Variants in IPCEF1 observed in about 807,000 individuals in gnomAD.
The protein encoded by IPCEF1 is interaction protein for cytohesin exchange factors 1, also known as interactor protein for cytohesin exchange factors 1.
A neutral mutation model predicts 50.9 loss-of-function variants in IPCEF1; 31 were observed. The ratio of observed to expected loss-of-function variants is 0.61; its 90% CI spans 0.46 to 0.82. IPCEF1 has a LOEUF of 0.82. Among genes scored for constraint, IPCEF1 ranks in the 40% least tolerant of loss-of-function variants. The pLI, the probability that IPCEF1 is intolerant of heterozygous loss-of-function variation, is 0.00. For missense variants in IPCEF1, 458 were observed against 514.0 expected, an observed-to-expected ratio of 0.89 and a Z score of 1.05; for synonymous variants, 181 against 192.0, an observed-to-expected ratio of 0.94 and a Z score of 0.47.
At chr6:154,341,819 T>C (rs1032855434) in intron 1 of IPCEF1, among the ~76,000 whole-genome samples, 6 of 152,240 alleles carry the variant, frequency 3.9e-5, no homozygotes, top group Non-Finnish European at 8.8e-5. Context: ...GAGTTGATTA[T>C]ATTAAACCTT....
intron 10 of IPCEF1, among the ~76,000 whole-genome samples, chr6:154,170,132 C>G (rs534636051): frequency 6.6e-6 from 1 of 152,286 alleles, no homozygotes; most frequent in African/African-American, 2.4e-5. Flanking sequence ...AATCTTCATC[C>G]TTTGATGTTG....
intron 2 of IPCEF1, among the ~76,000 whole-genome samples, chr6:154,276,047 G>A (rs1423999831): frequency 6.6e-6 from 1 of 152,076 alleles, no homozygotes. Context: ...AGCTGGCCAT[G>A]GTGGCAGGTG....
chr6:154,225,620 G>C (rs1178966175), intron 5 of IPCEF1, among the ~76,000 whole-genome samples: 1 of 152,130 alleles, frequency 6.6e-6, no homozygotes, highest in Non-Finnish European at 1.5e-5. Context: ...CTGCTCAATG[G>C]GTAAGGGGTT....
At chr6:154,276,281 AAG>A (rs1422704791) in intron 2 of IPCEF1, among the ~76,000 whole-genome samples, 6 of 8,812 alleles carry the variant, frequency 6.8e-4, no homozygotes, top group Middle Eastern at 0.1. Flanking sequence ...GAAAAAAGAA[AAG>A]AAAAAAAAAG....
chr6:154,325,917 G>C (rs1477028528), intron 1 of IPCEF1, among the ~76,000 whole-genome samples: 1 of 152,132 alleles, frequency 6.6e-6, no homozygotes, highest in East Asian at 1.9e-4. Context: ...TCCATGCATA[G>C]CCACATTATT....
chr6:154,283,813 T>C (rs1017896869), intron 2 of IPCEF1, among the ~76,000 whole-genome samples: 1 of 152,158 alleles, frequency 6.6e-6, no homozygotes, highest in African/African-American at 2.4e-5. Context: ...AAGTTCTGTA[T>C]CCAACCAAAC....
intron 9 of IPCEF1, among the ~76,000 whole-genome samples, chr6:154,208,559 A>G (rs1777696595): frequency 6.6e-6 from 1 of 152,232 alleles, no homozygotes; most frequent in South Asian, 2.1e-4. Context: ...AACATGAATC[A>G]CAGTCCACTT....
intron 10 of IPCEF1, among the ~76,000 whole-genome samples, chr6:154,178,623 C>T (rs1427655450): frequency 6.6e-6 from 1 of 152,078 alleles, no homozygotes; most frequent in African/African-American, 2.4e-5. Context: ...ATAAAGTGAA[C>T]CTGTTGGGGT....
chr6:154,320,787 G>A (rs561262736), intron 1 of IPCEF1, among the ~76,000 whole-genome samples: 3 of 152,194 alleles, frequency 2.0e-5, no homozygotes, highest in South Asian at 2.1e-4. Context: ...TGGGAGGATC[G>A]CTTGAGCCCA....
chr6:154,340,211 G>A (rs1156635007), intron 1 of IPCEF1, among the ~76,000 whole-genome samples: 1 of 151,818 alleles, frequency 6.6e-6, no homozygotes, highest in Non-Finnish European at 1.5e-5. Context: ...AGGTGGTCAG[G>A]GCACAGCTTG....
chr6:154,212,587 C>T (rs935622360), intron 9 of IPCEF1, among the ~76,000 whole-genome samples, 183 bp downstream of exon 9: 2 of 152,192 alleles, frequency 1.3e-5, no homozygotes, highest in Admixed American at 6.5e-5. Context: ...GTTTATCATA[C>T]CACTGGGTTG....
chr6:154,355,031 CACACACACACACA>C (rs1784192109), intron 1 of IPCEF1, among the ~76,000 whole-genome samples: 1 of 84,870 alleles, frequency 1.2e-5, no homozygotes, highest in Non-Finnish European at 3.0e-5. Flanking sequence ...CACACACACA[CACACACACACACA>C]CCATTTGCCA....
At chr6:154,180,428 C>T (rs1482192640) in intron 10 of IPCEF1, among the ~76,000 whole-genome samples, 2 of 124,500 alleles carry the variant, frequency 1.6e-5, no homozygotes, top group African/African-American at 6.7e-5. Context: ...TTTTTTTAAA[C>T]ATGATCCTTC....
chr6:154,345,575 A>G (rs1304514596), intron 1 of IPCEF1, among the ~76,000 whole-genome samples: 3 of 152,206 alleles, frequency 2.0e-5, no homozygotes, highest in African/African-American at 7.2e-5. Flanking sequence ...CCATGCCTCA[A>G]CCACTTTTTG....
chr6:154,238,930 TAAA>T (rs945093954), intron 5 of IPCEF1, among the ~76,000 whole-genome samples: 1 of 147,348 alleles, frequency 6.8e-6, no homozygotes, highest in African/African-American at 2.5e-5. Context: ...TTGTTTTTTT[TAAA>T]AAAAAAAAGA....
intron 10 of IPCEF1, among the ~76,000 whole-genome samples, chr6:154,169,298 T>C (rs931929182): frequency 6.6e-6 from 1 of 151,842 alleles, no homozygotes; most frequent in Non-Finnish European, 1.5e-5. Flanking sequence ...GAGGTGGAGG[T>C]TGCAGTGAGC....
At chr6:154,266,494 T>A (rs1052409738) in intron 2 of IPCEF1, among the ~76,000 whole-genome samples, 11 of 151,066 alleles carry the variant, frequency 7.3e-5, no homozygotes, top group Non-Finnish European at 1.5e-4. Context: ...ATTTCATTTA[T>A]ACATTTGTCA....
chr6:154,197,964 C>G (rs901124306), intron 10 of IPCEF1, among the ~76,000 whole-genome samples: 1 of 152,118 alleles, frequency 6.6e-6, no homozygotes, highest in African/African-American at 2.4e-5. Flanking sequence ...CTGGAAGTCT[C>G]TTCTAAGCAT....
In IPCEF1 at chr6:154,199,642, G is replaced by A. The variant is rs184129302; in HGVS notation, c.910+26C>T. ...TACAAACAAATATTCACTCTCTAAC[G>A]AAGAATAAATAATTTATTGGTTTAC... On this transcript the variant is annotated intron_variant, in intron 10 of 11. Transcript: ENST00000367220. 118 of 1,553,014 alleles carry A rather than the reference G, an allele frequency of 7.6e-5. No individual in the cohort carries two copies. In the East Asian group the frequency reaches 1.3e-3, roughly 17 times the overall value.
Sources: allele counts gnomAD v4.1 joint callset (sites outside exome capture counted in the v4.1 genomes callset), GRCh38; gene constraint gnomAD v4.1.1; transcripts MANE v1.5; gene names NCBI Gene and HGNC (gene_info 2026-07-23, HGNC 2026-07-21).